The following FHIT variants were observed in gnomAD, a reference collection of about 807,000 sequenced individuals.
FHIT encodes bis(5'-adenosyl)-triphosphatase.
In FHIT, 19 loss-of-function variants were observed where a neutral mutation model predicts 17.9. The observed-to-expected ratio is 1.06, with a 90% CI of 0.74 to 1.56. The LOEUF is 1.56. Among genes scored for constraint, FHIT ranks in the 40% most tolerant of loss-of-function variants. FHIT has a pLI of 0.00. For missense variants in FHIT, 248 were observed against 189.2 expected (o/e 1.31, Z -1.82); for synonymous variants, 81 against 69.7 (o/e 1.16, Z -0.81).
chr3:60,823,601 A>G (rs1702008137), intron 3 of FHIT, among the ~76,000 whole-genome samples: 1 of 152,168 alleles, frequency 6.6e-6, no homozygotes, highest in African/African-American at 2.4e-5. Context: ...AAAGGCAAAG[A>G]AAGATTCCCC....
intron 5 of FHIT, among the ~76,000 whole-genome samples, chr3:60,091,604 T>A (rs1050237826): frequency 6.6e-6 from 1 of 152,162 alleles, no homozygotes; most frequent in African/African-American, 2.4e-5. Context: ...GGGATTGTAA[T>A]CCTTAATGTT....
At chr3:60,866,210 T>C (rs1235711690) in intron 3 of FHIT, among the ~76,000 whole-genome samples, 2 of 152,190 alleles carry the variant, frequency 1.3e-5, no homozygotes, top group Non-Finnish European at 2.9e-5. Context: ...GTAGAGGATG[T>C]GCTACCCAGC....
intron 3 of FHIT, among the ~76,000 whole-genome samples, chr3:60,830,233 T>G (rs2106812060): frequency 6.6e-6 from 1 of 152,318 alleles, no homozygotes; most frequent in South Asian, 2.1e-4. Context: ...CTCTTGTTTC[T>G]GGGTCTATCC....
At chr3:60,441,755 A>ATTTAT (rs1559916082) in intron 5 of FHIT, among the ~76,000 whole-genome samples, 2 of 96,574 alleles carry the variant, frequency 2.1e-5, no homozygotes, top group Non-Finnish European at 3.9e-5. Context: ...TATATATATA[A>ATTTAT]AAATATATAT....
intron 5 of FHIT, among the ~76,000 whole-genome samples, chr3:60,121,655 G>C (rs1161107654): frequency 4.0e-5 from 6 of 151,758 alleles, no homozygotes; most frequent in Non-Finnish European, 8.8e-5. Context: ...TTGCACTCCA[G>C]CCTGTGAGAC....
At chr3:60,325,093 A>T (rs935713954) in intron 5 of FHIT, among the ~76,000 whole-genome samples, 1 of 135,272 alleles carries the variant, frequency 7.4e-6, no homozygotes, top group East Asian at 2.0e-4. Flanking sequence ...CAGCAAAAAA[A>T]CAGAGTGAAA....
intron 5 of FHIT, among the ~76,000 whole-genome samples, chr3:60,340,273 A>G (rs1388252200): frequency 6.6e-6 from 1 of 152,222 alleles, no homozygotes; most frequent in Non-Finnish European, 1.5e-5. Context: ...GTAAGGTCAC[A>G]TTTTTATATA....
At chr3:59,755,272 C>A (rs1377058016) in intron 8 of FHIT, among the ~76,000 whole-genome samples, 2 of 152,176 alleles carry the variant, frequency 1.3e-5, no homozygotes, top group Non-Finnish European at 2.9e-5. Context: ...TGCAGTTCAG[C>A]AGCCTTTGAA....
intron 5 of FHIT, among the ~76,000 whole-genome samples, chr3:60,415,107 C>CA (rs1411015072): frequency 2.6e-5 from 4 of 152,122 alleles, no homozygotes. Flanking sequence ...TTAAGGACCA[C>CA]AGTTTGAGAA....
At chr3:59,899,222 C>T (rs573386182) in intron 8 of FHIT, among the ~76,000 whole-genome samples, 4 of 152,316 alleles carry the variant, frequency 2.6e-5, no homozygotes, top group Admixed American at 1.3e-4. Context: ...GGGTCACATG[C>T]GGGCACATGA....
intron 4 of FHIT, among the ~76,000 whole-genome samples, chr3:60,609,843 A>G (rs1387306056): frequency 2.6e-5 from 4 of 152,158 alleles, no homozygotes; most frequent in African/African-American, 7.2e-5. Context: ...TGCTATCTCA[A>G]CAATATACTG....
intron 7 of FHIT, among the ~76,000 whole-genome samples, chr3:59,986,982 A>C (rs1709001581): frequency 7.8e-6 from 1 of 128,442 alleles, no homozygotes; most frequent in African/African-American, 2.9e-5. Context: ...ACTATAGAAA[A>C]ATATTTTATA....
At chr3:60,211,985 C>T (rs1703473123) in intron 5 of FHIT, among the ~76,000 whole-genome samples, 1 of 152,166 alleles carries the variant, frequency 6.6e-6, no homozygotes, top group Admixed American at 6.5e-5. Flanking sequence ...TCTCATGCAT[C>T]GATCACATTT....
intron 2 of FHIT, among the ~76,000 whole-genome samples, chr3:61,123,361 C>T (rs1401690940): frequency 6.6e-5 from 10 of 151,908 alleles, no homozygotes; most frequent in East Asian, 5.8e-4. Flanking sequence ...GTGGCTGGGG[C>T]GCTAGGGTAA....
chr3:60,500,023 A>G (rs771424671), intron 5 of FHIT, among the ~76,000 whole-genome samples: 4 of 152,248 alleles, frequency 2.6e-5, no homozygotes, highest in Non-Finnish European at 5.9e-5. Context: ...TCATTATTGT[A>G]TACCTGGGGT....
intron 7 of FHIT, among the ~76,000 whole-genome samples, chr3:59,945,083 G>C (rs1321682528): frequency 6.6e-6 from 1 of 152,014 alleles, no homozygotes; most frequent in Admixed American, 6.6e-5. Context: ...TCTGTATTAA[G>C]TTGAGAAATT....
chr3:60,119,906 C>G lies in FHIT; in HGVS notation c.104-105754G>C, dbSNP rs991170821. 1.2e-4 allele frequency among the ~76,000 whole-genome samples: 18 copies of G among 152,174 alleles called. 1 individual carries two copies. The highest frequency in any genetic ancestry group is 5.9e-5 in the Non-Finnish European group (4 of 68,038). Reference sequence around the variant, plus strand: ...ACTGGCTCCCCAGTGCTTTCAGAATCAAGCCCAAATACCATCAAATGGCAT... The same window carrying G: ...ACTGGCTCCCCAGTGCTTTCAGAATGAAGCCCAAATACCATCAAATGGCAT... On this transcript the variant is annotated intron_variant, in intron 5 of 9. Transcript: ENST00000492590.
chr3:59,875,095 C>G (rs1296028286), intron 8 of FHIT, among the ~76,000 whole-genome samples: 1 of 152,162 alleles, frequency 6.6e-6, no homozygotes, highest in Non-Finnish European at 1.5e-5. Flanking sequence ...CCAGTTTATT[C>G]TTTCTGCTTT....
rs893836745 is a variant in FHIT at position 60,361,395 on chromosome 3, C to CA, written c.103+175464dup. 4.5e-4 allele frequency among the ~76,000 whole-genome samples: 68 copies of CA among 152,108 alleles called. 1 individual carries two copies. Among genetic ancestry groups the CA allele is most frequent in the South Asian group, 1.9e-3 (9 of 4,812 alleles). On this transcript the variant is annotated intron_variant, in intron 5 of 9. Coordinates refer to ENST00000492590, the MANE Select transcript of FHIT (RefSeq NM_002012.4). ...CTATTCTTTTTCAAAGGCACGTACACAAAAAAATCCTGTGTTTTATAAGTA... is the reference window on the plus strand; with the variant it reads ...CTATTCTTTTTCAAAGGCACGTACACAAAAAAAATCCTGTGTTTTATAAGTA...
Sources: allele counts gnomAD v4.1 joint callset (sites outside exome capture counted in the v4.1 genomes callset), GRCh38; gene constraint gnomAD v4.1.1; transcripts MANE v1.5; gene names NCBI Gene and HGNC (gene_info 2026-07-23, HGNC 2026-07-21).